Variants in SUGCT observed in about 807,000 individuals in gnomAD.
SUGCT encodes succinyl-CoA:glutarate-CoA transferase.
Under a neutral mutation model 55.0 loss-of-function variants are expected in SUGCT, and 41 were observed. That is an observed-to-expected ratio of 0.74 (90% confidence interval 0.58 to 0.97). The LOEUF is 0.97. SUGCT is among the 50% of genes least tolerant of loss of function. The pLI, the probability that SUGCT is intolerant of heterozygous loss-of-function variation, is 0.00. For synonymous variants in SUGCT, 187 were observed against 200.4 expected (o/e 0.93, Z 0.56); for missense variants, 568 against 547.8 (o/e 1.04, Z -0.37).
chr7:40,282,781 G>T (rs1479811471), intron 8 of SUGCT, among the ~76,000 whole-genome samples: 1 of 151,606 alleles, frequency 6.6e-6, no homozygotes, highest in African/African-American at 2.4e-5. Context: ...TAGGAGAATT[G>T]CTTGAGCCCA....
At chr7:40,738,196 TAAAA>T (rs71714222) in intron 12 of SUGCT, among the ~76,000 whole-genome samples, 2,430 of 111,022 alleles carry the variant, frequency 0.022, 86 homozygotes, top group African/African-American at 0.073. Context: ...GACTCCATCT[TAAAA>T]AAAAAAAAAA....
At position 40,363,291 on chromosome 7, in the gene SUGCT, G is replaced by GT. The variant is rs1416937222; in HGVS notation, c.816+46442dup. On this transcript the variant is annotated intron_variant, in intron 9 of 13. Transcript: ENST00000335693. ...CCTGGATTCATTAATTTTTTGAAGG[G>GT]TTTTTTGTGTCTCTATTTCCTTCAG... Among the ~76,000 whole-genome samples the GT allele has an allele frequency of 3.9e-5, 6 of 152,006 alleles. No homozygotes were observed. The East Asian group carries it at 9.6e-4, about 24-fold the overall frequency.
chr7:40,491,992 AAAAT>A (rs10669502), intron 11 of SUGCT, among the ~76,000 whole-genome samples: 6 of 150,132 alleles, frequency 4.0e-5, no homozygotes, highest in African/African-American at 9.9e-5. Context: ...TCTGTTTCCA[AAAAT>A]AAATAAATAA....
intron 9 of SUGCT, among the ~76,000 whole-genome samples, chr7:40,353,272 G>C (rs557749231): frequency 1.3e-5 from 2 of 152,132 alleles, no homozygotes; most frequent in South Asian, 4.2e-4. Flanking sequence ...TCCCCAAAAG[G>C]ATTAGTCTAA....
intron 12 of SUGCT, among the ~76,000 whole-genome samples, chr7:40,620,686 A>G (rs1362155487): frequency 1.3e-5 from 2 of 152,174 alleles, no homozygotes; most frequent in African/African-American, 4.8e-5. Context: ...TACAGGGGTG[A>G]GCCACCACGC....
chr7:40,546,088 G>A (rs1430444897), intron 12 of SUGCT, among the ~76,000 whole-genome samples: 1 of 151,962 alleles, frequency 6.6e-6, no homozygotes, highest in Non-Finnish European at 1.5e-5. Flanking sequence ...TTTCTATTTG[G>A]AATAAATTTA....
chr7:41,008,234 C>T, the SUGCT span, among the ~76,000 whole-genome samples: 8 of 152,226 alleles, frequency 5.3e-5, no homozygotes, highest in Non-Finnish European at 1.0e-4. Flanking sequence ...GTTCCATTTT[C>T]CTCTAGGAGT....
chr7:40,215,585 G>A (rs930459952), intron 6 of SUGCT, among the ~76,000 whole-genome samples: 1 of 152,136 alleles, frequency 6.6e-6, no homozygotes, highest in African/African-American at 2.4e-5. Context: ...AGATTAGGCC[G>A]GGCATGGTGG....
chr7:40,723,277 C>T (rs548505911), intron 12 of SUGCT, among the ~76,000 whole-genome samples: 3 of 152,250 alleles, frequency 2.0e-5, no homozygotes, highest in East Asian at 3.9e-4. Flanking sequence ...ACTGACTTGA[C>T]TTCTCCGATT....
chr7:40,238,639 A>G (rs1221513308), intron 7 of SUGCT, among the ~76,000 whole-genome samples: 1 of 134,128 alleles, frequency 7.5e-6, no homozygotes, highest in South Asian at 2.4e-4. Context: ...TCTTCCTTTT[A>G]TTTAATTTTA....
chr7:40,674,607 A>G (rs942986638), intron 12 of SUGCT, among the ~76,000 whole-genome samples: 2 of 152,244 alleles, frequency 1.3e-5, no homozygotes, highest in Non-Finnish European at 2.9e-5. Context: ...ACTTCCGAAA[A>G]AGAGCCTCAT....
At chr7:40,153,536 A>AACATTTTGGACCTATGGGC in intron 1 of SUGCT, 1 of 434,852 alleles carries the variant, frequency 2.3e-6, no homozygotes, top group Non-Finnish European at 4.5e-6. Flanking sequence ...TGTACCTATC[A>AACATTTTGGACCTATGGGC]ACATTTTGGA....
chr7:40,357,547 T>C (rs1583498951), intron 9 of SUGCT, among the ~76,000 whole-genome samples: 1 of 152,128 alleles, frequency 6.6e-6, no homozygotes, highest in South Asian at 2.1e-4. Context: ...GAATGCGACA[T>C]GTGGTCTCGG....
At chr7:40,762,645 C>CT (rs1000019883) in intron 13 of SUGCT, among the ~76,000 whole-genome samples, 15 of 152,146 alleles carry the variant, frequency 9.9e-5, no homozygotes, top group Admixed American at 2.6e-4. Context: ...GATTATTTTT[C>CT]TTTAAAAAGG....
rs544870879 is a variant in SUGCT, at chr7:40,505,662, A to T, written c.1089+9276A>T. Among the ~76,000 whole-genome samples the T allele has an allele frequency of 2.8e-3, 420 of 152,192 alleles. 2 individuals are homozygous for T. Among genetic ancestry groups the T allele is most frequent in the African/African-American group, 9.2e-3 (382 of 41,564 alleles). ...CCTTTTTGTATGTGTGTGCATATATACATATGAAACACATCTATGTATATT... is the reference window on the plus strand; with the variant it reads ...CCTTTTTGTATGTGTGTGCATATATTCATATGAAACACATCTATGTATATT... On this transcript the variant is annotated intron_variant, in intron 12 of 13. Transcript: ENST00000335693.
At chr7:40,854,937 TA>T (rs1042012354) in intron 13 of SUGCT, among the ~76,000 whole-genome samples, 2 of 151,138 alleles carry the variant, frequency 1.3e-5, no homozygotes, top group Non-Finnish European at 1.5e-5. Context: ...CCCTGTGTCT[TA>T]AAAAAAACAA....
intron 13 of SUGCT, among the ~76,000 whole-genome samples, chr7:40,837,391 T>C (rs1793043021): frequency 1.3e-5 from 2 of 152,152 alleles, no homozygotes; most frequent in African/African-American, 4.8e-5. Flanking sequence ...TCTCTTCATC[T>C]CCTTAACATG....
intron 12 of SUGCT, among the ~76,000 whole-genome samples, chr7:40,732,786 A>G (rs1786963091): frequency 6.6e-6 from 1 of 152,172 alleles, no homozygotes; most frequent in African/African-American, 2.4e-5. Context: ...GTGTGTCTGT[A>G]AGGCAGGTTG....
chr7:40,581,066 T>C (rs971073036), intron 12 of SUGCT, among the ~76,000 whole-genome samples: 12 of 152,246 alleles, frequency 7.9e-5, no homozygotes, highest in Non-Finnish European at 1.6e-4. Flanking sequence ...TGTATTTTAC[T>C]TCATTAAGCA....
Sources: gnomAD v4.1 joint callset for allele counts (sites outside exome capture counted in the v4.1 genomes callset) on GRCh38, gnomAD v4.1.1 for gene constraint, MANE v1.5 for transcripts, NCBI Gene and HGNC (gene_info 2026-07-23, HGNC 2026-07-21) for gene names.